P2RY14: variants seen among roughly 807,000 people sequenced by gnomAD.
P2RY14 encodes the protein purinergic receptor P2Y14.
Under a neutral mutation model 0.9 loss-of-function variants are expected in P2RY14, and 2 were observed. That is an observed-to-expected ratio of 2.16 (90% CI 0.88 to 6.79). P2RY14 has a LOEUF of 6.79. Among genes scored for constraint, P2RY14 ranks in the 30% most tolerant of loss-of-function variants. P2RY14 has a pLI of 0.05. For missense variants in P2RY14, 378 were observed against 400.1 expected (o/e 0.94, Z 0.47); for synonymous variants, 158 against 147.2 (o/e 1.07, Z -0.53).
At chr3:151,257,386 A>G (rs1038069521) in intron 1 of P2RY14, among the ~76,000 whole-genome samples, 1 of 152,192 alleles carries the variant, frequency 6.6e-6, no homozygotes, top group Non-Finnish European at 1.5e-5. Flanking sequence ...ATATATCTGA[A>G]TGATTAAGAG....
Position 151,213,768 on chromosome 3 carries a change from C to T in P2RY14, c.549G>A (p.Trp183Ter). 3 of 1,614,082 alleles carry T rather than the reference C, an allele frequency of 1.9e-6. No individual in the cohort carries two copies. Among genetic ancestry groups the T allele is most frequent in the South Asian group, 2.2e-5 (2 of 91,080 alleles). ...CGAAGATGTAGTTTGATGCTTTGTG[C>T]CACTTCCGTCCCAGTTCACTTTTCA... Reference protein sequence around the residue: ...IELKSELGRKWHKASNYIFVA... With the variant: ...IELKSELGRK Residue 183 changes from tryptophan (W) to a stop codon, truncating the protein, a stop_gained, in exon 3 of 3, where the codon TGG (tryptophan) becomes TGA (stop). Coordinates refer to ENST00000309170, the MANE Select transcript of P2RY14 (RefSeq NM_014879.4). LOFTEE classifies it low-confidence loss of function (END_TRUNC).
chr3:151,216,622 C>A (rs1728282769), intron 2 of P2RY14, among the ~76,000 whole-genome samples: 1 of 152,134 alleles, frequency 6.6e-6, no homozygotes, highest in Non-Finnish European at 1.5e-5. Context: ...AATGAGTACC[C>A]CAAATCACTT....
intron 1 of P2RY14, among the ~76,000 whole-genome samples, chr3:151,242,176 A>G (rs1451552873): frequency 6.6e-6 from 1 of 152,206 alleles, no homozygotes. Context: ...TCAAACTGCA[A>G]GGCAGCAACA....
chr3:151,253,470 C>G (rs780797497), intron 1 of P2RY14, among the ~76,000 whole-genome samples: 50 of 152,184 alleles, frequency 3.3e-4, no homozygotes, highest in Non-Finnish European at 5.4e-4. Flanking sequence ...GTTTCCTAAG[C>G]CTGGCATGGG....
At chr3:151,229,892 T>A (rs1410120622) in intron 1 of P2RY14, among the ~76,000 whole-genome samples, 1 of 152,194 alleles carries the variant, frequency 6.6e-6, no homozygotes, top group Non-Finnish European at 1.5e-5. Context: ...CTTGAAGATG[T>A]TGTTCAAGTT....
At chr3:151,239,287 A>C (rs1164551818) in intron 1 of P2RY14, among the ~76,000 whole-genome samples, 1 of 152,268 alleles carries the variant, frequency 6.6e-6, no homozygotes, top group African/African-American at 2.4e-5. Context: ...ATATTCATTG[A>C]CATGGTTTTA....
At chr3:151,238,968 C>T (rs1365650898) in intron 1 of P2RY14, among the ~76,000 whole-genome samples, 1 of 152,162 alleles carries the variant, frequency 6.6e-6, no homozygotes, top group African/African-American at 2.4e-5. Context: ...TTTCTCAAAA[C>T]TGAATGAACT....
At chr3:151,248,471 T>C (rs1477676902) in intron 1 of P2RY14, among the ~76,000 whole-genome samples, 1 of 152,192 alleles carries the variant, frequency 6.6e-6, no homozygotes, top group African/African-American at 2.4e-5. Flanking sequence ...ATTCGTTCTT[T>C]ATTGGACTGT....
chr3:151,240,506 AT>A (rs1156508880), intron 1 of P2RY14, among the ~76,000 whole-genome samples: 1 of 152,220 alleles, frequency 6.6e-6, no homozygotes, highest in Non-Finnish European at 1.5e-5. Context: ...TTTAAAATTT[AT>A]TTAATAGGAA....
intron 1 of P2RY14, among the ~76,000 whole-genome samples, chr3:151,245,241 AAG>A (rs1241747395): frequency 6.6e-6 from 1 of 152,206 alleles, no homozygotes; most frequent in Non-Finnish European, 1.5e-5. Flanking sequence ...TCAATAGAAA[AAG>A]AGGGAATCCT....
chr3:151,245,940 A>G (rs1296762227), intron 1 of P2RY14, among the ~76,000 whole-genome samples: 16 of 151,616 alleles, frequency 1.1e-4, no homozygotes, highest in Admixed American at 1.1e-3. Flanking sequence ...TACAAAATCA[A>G]TGTACAAAAA....
intron 1 of P2RY14, among the ~76,000 whole-genome samples, chr3:151,262,501 C>G (rs1479353106): frequency 1.3e-5 from 2 of 152,204 alleles, no homozygotes; most frequent in Admixed American, 6.5e-5. Context: ...ATAGACTTTA[C>G]ATAGTTCAGC....
At chr3:151,220,941 A>G (rs1472584762) in intron 1 of P2RY14, among the ~76,000 whole-genome samples, 1 of 152,240 alleles carries the variant, frequency 6.6e-6, no homozygotes, top group East Asian at 1.9e-4. Flanking sequence ...AGACAGGAAA[A>G]TGTAGGTAAG....
At chr3:151,255,451 G>A (rs927438118) in intron 1 of P2RY14, among the ~76,000 whole-genome samples, 1 of 152,012 alleles carries the variant, frequency 6.6e-6, no homozygotes, top group Non-Finnish European at 1.5e-5. Flanking sequence ...AGGCCAGGGG[G>A]AGGGGGCTGG....
intron 1 of P2RY14, among the ~76,000 whole-genome samples, chr3:151,236,414 T>G (rs1318194911): frequency 1.3e-5 from 2 of 152,240 alleles, no homozygotes; most frequent in Non-Finnish European, 2.9e-5. Context: ...ATTCTTGTTA[T>G]GCAGCATTCA....
chr3:151,258,248 A>G (rs1333702044), intron 1 of P2RY14, among the ~76,000 whole-genome samples: 1 of 151,986 alleles, frequency 6.6e-6, no homozygotes, highest in Admixed American at 6.6e-5. Context: ...ATAATCAAGT[A>G]CTCTTGACCC....
intron 1 of P2RY14, among the ~76,000 whole-genome samples, chr3:151,250,688 A>G (rs533292248): frequency 1.9e-4 from 29 of 152,330 alleles, no homozygotes; most frequent in Non-Finnish European, 3.5e-4. Context: ...CTTGGGTAGC[A>G]TCCACCTTTT....
intron 1 of P2RY14, among the ~76,000 whole-genome samples, chr3:151,246,806 A>G (rs1735620254): frequency 6.6e-6 from 1 of 152,226 alleles, no homozygotes; most frequent in African/African-American, 2.4e-5. Context: ...TGCACAGCAA[A>G]AGATACTACC....
At chr3:151,219,237 T>C (rs1462157020) in intron 2 of P2RY14, among the ~76,000 whole-genome samples, 2 of 152,232 alleles carry the variant, frequency 1.3e-5, no homozygotes, top group Non-Finnish European at 2.9e-5. Context: ...TTGTCATGTA[T>C]TACAGATAAC....
Sources: allele counts gnomAD v4.1 joint callset (sites outside exome capture counted in the v4.1 genomes callset), GRCh38; gene constraint gnomAD v4.1.1; transcripts MANE v1.5; gene names NCBI Gene and HGNC (gene_info 2026-07-23, HGNC 2026-07-21).